The following DEPTOR variants were observed in gnomAD, a reference collection of about 807,000 sequenced individuals.
DEPTOR encodes the protein DEP domain-containing mTOR-interacting protein.
Under a neutral mutation model 41.6 loss-of-function variants are expected in DEPTOR, and 41 were observed. The ratio of observed to expected loss-of-function variants is 0.98; its 90% CI spans 0.77 to 1.28. The LOEUF is 1.28. Among genes scored for constraint, DEPTOR ranks in the 50% most tolerant of loss-of-function variants. The pLI, the probability that DEPTOR is intolerant of heterozygous loss-of-function variation, is 0.00. For synonymous variants in DEPTOR, 195 were observed against 192.3 expected, an observed-to-expected ratio of 1.01 and a Z score of -0.12; for missense variants, 514 against 527.9, an observed-to-expected ratio of 0.97 and a Z score of 0.26.
At chr8:120,001,204 G>A (rs1429136942) in intron 4 of DEPTOR, among the ~76,000 whole-genome samples, 1 of 152,140 alleles carries the variant, frequency 6.6e-6, no homozygotes, top group Admixed American at 6.5e-5. Flanking sequence ...AAGAGAAGGG[G>A]CAGACAGTGA....
chr8:120,046,367 G>T (rs537081947), intron 8 of DEPTOR, among the ~76,000 whole-genome samples: 3 of 141,908 alleles, frequency 2.1e-5, no homozygotes, highest in African/African-American at 8.0e-5. Flanking sequence ...CACCACCCCT[G>T]CTCCCAACCC....
chr8:120,015,455 A>G (rs4871720), intron 8 of DEPTOR, among the ~76,000 whole-genome samples: 64,583 of 152,070 alleles, frequency 0.42, 14,272 homozygotes, highest in South Asian at 0.52. Flanking sequence ...GGGAAGTCCA[A>G]GATGAAGGTG....
intron 4 of DEPTOR, among the ~76,000 whole-genome samples, chr8:119,987,277 A>G (rs2130037605): frequency 6.6e-6 from 1 of 152,254 alleles, no homozygotes; most frequent in Admixed American, 6.5e-5. Flanking sequence ...TTTCCTTCTA[A>G]GTCAGACCCC....
At chr8:119,931,232 A>G (rs760261957) in intron 3 of DEPTOR, among the ~76,000 whole-genome samples, 1 of 151,864 alleles carries the variant, frequency 6.6e-6, no homozygotes, top group Non-Finnish European at 1.5e-5. Flanking sequence ...AAAACAAAAC[A>G]TATTTGTCAC....
intron 1 of DEPTOR, among the ~76,000 whole-genome samples, chr8:119,880,679 T>C (rs547548234): frequency 6.6e-6 from 1 of 152,352 alleles, no homozygotes; most frequent in South Asian, 2.1e-4. Flanking sequence ...CAAGGTAGGA[T>C]TGTCACTTTC....
At chr8:119,994,230 C>T (rs780879722) in intron 4 of DEPTOR, among the ~76,000 whole-genome samples, 22 of 152,190 alleles carry the variant, frequency 1.4e-4, no homozygotes, top group African/African-American at 3.9e-4. Flanking sequence ...GCAGGGCAAT[C>T]GCTTGAACCC....
intron 6 of DEPTOR, among the ~76,000 whole-genome samples, chr8:120,004,646 C>G (rs1812405639): frequency 6.6e-6 from 1 of 152,140 alleles, no homozygotes; most frequent in African/African-American, 2.4e-5. Flanking sequence ...CTCCTTGCCT[C>G]TGGGTCAAAG....
intron 1 of DEPTOR, 140 bp downstream of exon 1, chr8:119,874,108 C>G: frequency 7.3e-7 from 1 of 1,375,018 alleles, no homozygotes; most frequent in Non-Finnish European, 9.9e-7. Flanking sequence ...CGTGGATGGT[C>G]CTCGGTGCGC....
At chr8:119,970,804 A>G (rs1253204680) in intron 4 of DEPTOR, among the ~76,000 whole-genome samples, 2 of 152,176 alleles carry the variant, frequency 1.3e-5, no homozygotes, top group African/African-American at 2.4e-5. Flanking sequence ...ATCCAGGCAC[A>G]GTTTCCTATG....
At chr8:120,041,639 G>A (rs1468976735) in intron 8 of DEPTOR, among the ~76,000 whole-genome samples, 1 of 152,158 alleles carries the variant, frequency 6.6e-6, no homozygotes, top group Non-Finnish European at 1.5e-5. Flanking sequence ...TTGGGTTCAA[G>A]CAATTCTTGG....
intron 8 of DEPTOR, among the ~76,000 whole-genome samples, chr8:120,030,499 T>TTTTTG (rs1812872674): frequency 1.3e-5 from 1 of 74,566 alleles, no homozygotes; most frequent in African/African-American, 8.3e-5. Flanking sequence ...GTTCATCAGT[T>TTTTTG]TTTTTTTTTT....
intron 1 of DEPTOR, among the ~76,000 whole-genome samples, chr8:119,878,036 T>G (rs1827251316): frequency 1.3e-5 from 2 of 152,146 alleles, no homozygotes; most frequent in Admixed American, 1.3e-4. Context: ...GTTCAAGAGA[T>G]TCTCCTGCCT....
chr8:119,989,436 A>G (rs369347608), intron 4 of DEPTOR, among the ~76,000 whole-genome samples: 1 of 152,122 alleles, frequency 6.6e-6, no homozygotes, highest in East Asian at 1.9e-4. Flanking sequence ...CCATGATCAC[A>G]CCTTGAAATG....
At chr8:120,029,150 C>G (rs189614897) in intron 8 of DEPTOR, among the ~76,000 whole-genome samples, 2 of 152,044 alleles carry the variant, frequency 1.3e-5, no homozygotes. Flanking sequence ...ATATGACATG[C>G]AGGACACCTG....
At chr8:119,946,229 A>C (rs926028020) in intron 3 of DEPTOR, among the ~76,000 whole-genome samples, 1 of 152,188 alleles carries the variant, frequency 6.6e-6, no homozygotes, top group Non-Finnish European at 1.5e-5. Flanking sequence ...ACCCCCTAAC[A>C]AAAGAGTGTT....
Position 120,003,064 on chromosome 8 carries a change from GC to G in DEPTOR, c.882del (p.Thr295ProfsTer16), listed in dbSNP as rs1812379989. 1 of 1,612,744 alleles carries G rather than the reference GC, an allele frequency of 6.2e-7. No individual in the cohort carries two copies. The highest frequency in any genetic ancestry group is 1.1e-5 in the South Asian group (1 of 91,010). ...GGCAGCAGCGGCTACTTCAGCAGCA[GC>G]CCCACCCTCAGCAGCAGCCCCCCTG... ...SCGSSGYFSS[S>X]PTLSSSPPVL... On this transcript the variant is annotated frameshift_variant, in exon 6 of 9. Transcript: ENST00000286234. LOFTEE classifies it high-confidence loss of function.
At chr8:119,980,997 C>T (rs1488033488) in intron 4 of DEPTOR, among the ~76,000 whole-genome samples, 1 of 152,174 alleles carries the variant, frequency 6.6e-6, no homozygotes, top group Non-Finnish European at 1.5e-5. Context: ...TATTTTCTTT[C>T]TCTCTCAGTT....
chr8:120,040,401 C>T (rs1813049686), intron 8 of DEPTOR, among the ~76,000 whole-genome samples: 1 of 151,758 alleles, frequency 6.6e-6, no homozygotes, highest in Admixed American at 6.6e-5. Context: ...GTGGTGAAAC[C>T]CCATCTCTAC....
chr8:119,963,230 T>C (rs1357966892), intron 3 of DEPTOR, among the ~76,000 whole-genome samples: 1 of 152,112 alleles, frequency 6.6e-6, no homozygotes, highest in African/African-American at 2.4e-5. Flanking sequence ...GAGATGCAGA[T>C]AAGCCAACAC....
Sources: gnomAD v4.1 joint callset for allele counts (sites outside exome capture counted in the v4.1 genomes callset) on GRCh38, gnomAD v4.1.1 for gene constraint, MANE v1.5 for transcripts, NCBI Gene and HGNC (gene_info 2026-07-23, HGNC 2026-07-21) for gene names.